UBASH3A: variants seen among roughly 807,000 people sequenced by gnomAD.
The protein encoded by UBASH3A is ubiquitin-associated and SH3 domain-containing protein A.
UBASH3A carries 63 observed loss-of-function variants against 73.5 expected under a neutral mutation model. The observed-to-expected ratio is 0.86, with a 90% confidence interval of 0.70 to 1.06. The LOEUF is 1.06. UBASH3A is among the 50% of genes least tolerant of loss of function. The probability of loss-of-function intolerance (pLI) is 0.00; values close to 1 mark genes in which losing one functional copy is unlikely to be tolerated. For synonymous variants in UBASH3A, 363 were observed against 351.1 expected, an observed-to-expected ratio of 1.03 and a Z score of -0.38; for missense variants, 860 against 859.0, an observed-to-expected ratio of 1.00 and a Z score of -0.02.
chr21:42,444,365 C>T (rs891378642), intron 13 of UBASH3A, among the ~76,000 whole-genome samples, 169 bp from the exon 14 acceptor site: 3 of 152,208 alleles, frequency 2.0e-5, no homozygotes, highest in Admixed American at 6.5e-5. Flanking sequence ...GAGGGTGGGA[C>T]GCAGGCATCA....
At chr21:42,439,924 C>A (rs964291313) in intron 11 of UBASH3A, among the ~76,000 whole-genome samples, 21 of 145,420 alleles carry the variant, frequency 1.4e-4, no homozygotes, top group African/African-American at 5.1e-4. Context: ...CTCACACACA[C>A]CACACACATA....
rs1038530730 is a variant in UBASH3A, at chr21:42,420,127, ATATAAG to A, written c.1046+1523_1046+1528del. 4.6e-5 allele frequency among the ~76,000 whole-genome samples: 7 copies of A among 152,294 alleles called. 1 individual carries two copies. The highest frequency in any genetic ancestry group is 1.9e-4 in the East Asian group (1 of 5,196). ...GTCACTTTCATACAATATATAATAC[ATATAAG>A]TATATGTACAGTTGTCCCTTGCTAT... On this transcript the variant is annotated intron_variant, in intron 7 of 14. Coordinates refer to ENST00000319294, the MANE Select transcript of UBASH3A (RefSeq NM_018961.4).
rs75164262 is a variant in UBASH3A at position 42,433,247 on chromosome 21, T to C, written c.1270+1045T>C. Among the ~76,000 whole-genome samples, 1,313 of 152,294 alleles carry C rather than the reference T, an allele frequency of 8.6e-3. 19 individuals carry two copies. The highest frequency in any genetic ancestry group is 0.029 in the African/African-American group (1,202 of 41,556). On this transcript the variant is annotated intron_variant, in intron 9 of 14. Transcript: ENST00000319294. ...GAGAGGCCCTTGATAAAGTGAAGAATTACATCTAGTTTGTCTGAATTTTGT... is the reference window on the plus strand; with the variant it reads ...GAGAGGCCCTTGATAAAGTGAAGAACTACATCTAGTTTGTCTGAATTTTGT...
intron 7 of UBASH3A, among the ~76,000 whole-genome samples, chr21:42,419,846 T>G (rs2053301195): frequency 2.0e-5 from 3 of 152,272 alleles, no homozygotes; most frequent in Admixed American, 6.5e-5. Context: ...TACTCAACAC[T>G]TGATTATAAA....
intron 3 of UBASH3A, among the ~76,000 whole-genome samples, chr21:42,411,540 CATA>C (rs2053096353): frequency 6.6e-6 from 1 of 151,854 alleles, no homozygotes; most frequent in Non-Finnish European, 1.5e-5. Context: ...CACAGACACA[CATA>C]GACATACGCA....
chr21:42,428,439 T>G lies in UBASH3A; in HGVS notation c.1170+1619T>G, dbSNP rs2146559133. On this transcript the variant is annotated intron_variant, in intron 8 of 14. Transcript: ENST00000319294. ...TCACCATGTGAGAAAGGCCCAGACT[T>G]GGGAGAGCCGAGACTCCCCAGGGCT... Among the ~76,000 whole-genome samples, 3 of 152,140 alleles carry G rather than the reference T, an allele frequency of 2.0e-5. 1 individual carries two copies. The Middle Eastern group carries it at 0.01, about 517-fold the overall frequency.
chr21:42,418,418 C>A lies in UBASH3A; in HGVS notation c.855C>A (p.Phe285Leu). ...FVHYQTLRAL[F>L]QYKPQNVDEL... ...TTTTCTAGACCCTGAGAGCCCTATTCCAGTACAAACCCCAGAACGTGGATG... is the reference window on the plus strand; with the variant it reads ...TTTTCTAGACCCTGAGAGCCCTATTACAGTACAAACCCCAGAACGTGGATG... The change falls in exon 7 of 15, where the codon TTC (phenylalanine) becomes TTA (leucine). Residue 285 changes from phenylalanine to leucine, a missense_variant. Phe to Leu is a conservative substitution (Grantham distance 22, BLOSUM62 0). Coordinates refer to ENST00000319294, the MANE Select transcript of UBASH3A (RefSeq NM_018961.4). 1 of 1,614,072 alleles carries A rather than the reference C, an allele frequency of 6.2e-7. No homozygotes were observed. The highest frequency in any genetic ancestry group is 1.7e-5 in the Admixed American group (1 of 60,024).
chr21:42,423,127 G>T (rs2053370397), intron 7 of UBASH3A, among the ~76,000 whole-genome samples: 2 of 152,254 alleles, frequency 1.3e-5, no homozygotes, highest in South Asian at 4.1e-4. Flanking sequence ...GCTGAGGTTT[G>T]TCCATACCAT....
intron 2 of UBASH3A, among the ~76,000 whole-genome samples, chr21:42,409,096 C>T (rs1353265351): frequency 6.6e-6 from 1 of 152,090 alleles, no homozygotes; most frequent in Non-Finnish European, 1.5e-5. Flanking sequence ...CAAGGAGATG[C>T]TGGGCCCACG....
intron 2 of UBASH3A, among the ~76,000 whole-genome samples, chr21:42,408,883 AAAAAT>A (rs537094372): frequency 0.2 from 22,882 of 114,242 alleles, 2,429 homozygotes; most frequent in Middle Eastern, 0.28. Context: ...ACTCCATCTC[AAAAAT>A]AAAATAAAAT....
At position 42,443,380 on chromosome 21, in the gene UBASH3A, C is replaced by T. The variant is rs763399326; in HGVS notation, c.1700C>T (p.Ala567Val). The T allele has an allele frequency of 4.3e-6, 7 of 1,612,852 alleles. No homozygotes were observed. Among genetic ancestry groups the T allele is most frequent in the South Asian group, 1.1e-5 (1 of 90,818 alleles). Residue 567 changes from alanine (A) to valine (V), a missense_variant, in exon 13 of 15, where the codon GCG becomes GTG. Ala to Val is a moderately conservative substitution (Grantham distance 64). Transcript: ENST00000319294. ...SYQEYMDRCT[A>V]SMVQIVNTCP... ...CAGGAGTACATGGACAGGTGCACGG[C>T]GAGCATGGTGCAAATCGTCAACACC...
chr21:42,438,514 G>T (rs1051461936), intron 11 of UBASH3A, among the ~76,000 whole-genome samples: 4 of 152,146 alleles, frequency 2.6e-5, no homozygotes, highest in Non-Finnish European at 4.4e-5. Flanking sequence ...GCATCAGCCG[G>T]GCTAGGGGGT....
intron 12 of UBASH3A, 149 bp downstream of exon 12, chr21:42,442,745 A>C: frequency 1.2e-6 from 1 of 840,116 alleles, no homozygotes; most frequent in African/African-American, 1.7e-5. Flanking sequence ...GGTGGGGCTC[A>C]ACTCCTAATA....
At chr21:42,417,060 A>T (rs1240716850) in intron 6 of UBASH3A, among the ~76,000 whole-genome samples, 1 of 152,224 alleles carries the variant, frequency 6.6e-6, no homozygotes, top group South Asian at 2.1e-4. Flanking sequence ...TTCTTGTGCA[A>T]TTTACAACCA....
intron 14 of UBASH3A, among the ~76,000 whole-genome samples, chr21:42,445,307 C>G (rs975456743): frequency 2.0e-5 from 3 of 152,264 alleles, no homozygotes; most frequent in African/African-American, 7.2e-5. Context: ...GGACTCACCA[C>G]AGTCCTGACC....
chr21:42,416,585 C>A lies in UBASH3A; in HGVS notation c.811C>A (p.Arg271=). 6.2e-7 allele frequency: 1 copy of A among 1,602,256 alleles called. No individual in the cohort carries two copies. The highest frequency in any genetic ancestry group is 8.5e-7 in the Non-Finnish European group (1 of 1,174,762). The part of the protein sequence containing the change: ...SCQWTAALYS[R]DMRFVHYQTL... ...CCAGTGGACCGCAGCACTCTACTCC[C>A]GAGACATGCGCTTTGTGCACTACCA... The change falls in exon 6 of 15, where the codon CGA becomes AGA. Residue 271 remains arginine (R), a synonymous_variant. Coordinates refer to ENST00000319294, the MANE Select transcript of UBASH3A (RefSeq NM_018961.4).
At chr21:42,421,096 TG>T (rs1385266138) in intron 7 of UBASH3A, among the ~76,000 whole-genome samples, 2 of 152,224 alleles carry the variant, frequency 1.3e-5, no homozygotes, top group African/African-American at 4.8e-5. Flanking sequence ...AGTGTTAAGG[TG>T]GCTCTTGTGA....
At chr21:42,431,355 G>T (rs755499225) in intron 8 of UBASH3A, among the ~76,000 whole-genome samples, 9 of 152,242 alleles carry the variant, frequency 5.9e-5, no homozygotes, top group Non-Finnish European at 1.2e-4. Context: ...GAAAGAGGGC[G>T]GGCGTGAGCC....
chr21:42,446,352 C>T (rs1010016070), intron 14 of UBASH3A, among the ~76,000 whole-genome samples: 1 of 152,152 alleles, frequency 6.6e-6, no homozygotes, highest in Non-Finnish European at 1.5e-5. Flanking sequence ...GCACTCAGGA[C>T]CCTCCCCGAC....
Sources: gnomAD v4.1 joint callset for allele counts (sites outside exome capture counted in the v4.1 genomes callset) on GRCh38, gnomAD v4.1.1 for gene constraint, MANE v1.5 for transcripts, NCBI Gene and HGNC (gene_info 2026-07-23, HGNC 2026-07-21) for gene names.